FOXA2: variants seen among roughly 807,000 people sequenced by gnomAD.
The protein encoded by FOXA2 is forkhead box A2, also known as hepatocyte nuclear factor 3-beta.
FOXA2 carries 9 observed loss-of-function variants against 33.3 expected under a neutral mutation model. The ratio of observed to expected loss-of-function variants is 0.27; its 90% CI spans 0.16 to 0.47. The LOEUF is 0.47. Ranked by LOEUF, FOXA2 falls within the 20% of genes least tolerant of loss-of-function variation. The pLI, the probability that FOXA2 is intolerant of heterozygous loss-of-function variation, is 0.99. For missense variants in FOXA2, 704 were observed against 659.9 expected (o/e 1.07, Z -0.73); for synonymous variants, 329 against 289.4 (o/e 1.14, Z -1.39).
At position 22,582,413 on chromosome 20, in the gene FOXA2, C is replaced by T. The variant is rs756389581; in HGVS notation, c.829G>A (p.Gly277Ser). 2.5e-6 allele frequency: 4 copies of T among 1,571,370 alleles called. No individual in the cohort carries two copies. Among genetic ancestry groups the T allele is most frequent in the African/African-American group, 1.4e-5 (1 of 72,904 alleles). The part of the protein sequence containing the change: ...LALKEAAGAA[G>S]SGKKAAAGAQ... Reference sequence around the variant, plus strand: ...CCGGCGGCCGCCTTCTTGCCGCTGCCGGCGGCGCCTGCGGCCTCCTTCAGC... The same window carrying T: ...CCGGCGGCCGCCTTCTTGCCGCTGCTGGCGGCGCCTGCGGCCTCCTTCAGC... Residue 277 changes from glycine (G) to serine (S), a missense_variant, in exon 2 of 2, where the codon GGC becomes AGC. Physicochemically the swap from Gly to Ser is moderately conservative, Grantham distance 56 (BLOSUM62 0). Coordinates refer to ENST00000419308, the MANE Select transcript of FOXA2 (RefSeq NM_021784.5).
At position 22,582,171 on chromosome 20, in the gene FOXA2, G is replaced by A; in HGVS notation, c.1071C>T (p.Gly357=). The stretch of plus-strand genomic sequence containing the variant: ...GCGGCAGGCCCGGGTGGTGGGGCGG[G>A]CCCAGCAGGTGGGCCGCGGCCTGCT... ...QQQQAAAHLL[G]PPHHPGLPPE... is the part of the protein sequence containing the mutation. The change falls in exon 2 of 2, where the codon GGC becomes GGT. Residue 357 remains glycine, a synonymous_variant. Transcript: ENST00000419308. 1.3e-6 allele frequency: 2 copies of A among 1,557,894 alleles called. No homozygotes were observed. Among genetic ancestry groups the A allele is most frequent in the Non-Finnish European group, 1.7e-6 (2 of 1,150,352 alleles).
rs1294444786 is a variant in FOXA2 at position 22,582,198 on chromosome 20, C to T, written c.1044G>A (p.Gln348=). The T allele has an allele frequency of 1.3e-6, 2 of 1,549,590 alleles. No individual in the cohort carries two copies. The highest frequency in any genetic ancestry group is 1.7e-6 in the Non-Finnish European group (2 of 1,145,870). The change falls in exon 2 of 2, where the codon CAG becomes CAA. Residue 348 remains glutamine, a synonymous_variant. Transcript: ENST00000419308. ...CCAGCAGGTGGGCCGCGGCCTGCTGCTGCTGCCCGGGAGAGGGCGCCGGCT... is the reference window on the plus strand; with the variant it reads ...CCAGCAGGTGGGCCGCGGCCTGCTGTTGCTGCCCGGGAGAGGGCGCCGGCT... The part of the protein sequence containing the change: ...PPEPAPSPGQ[Q]QQAAAHLLGP...
Position 22,584,339 on chromosome 20 carries a change from CT to C in FOXA2, c.-62del. 6.8e-7 allele frequency: 1 copy of C among 1,465,880 alleles called. No homozygotes were observed. The highest frequency in any genetic ancestry group is 9.5e-7 in the Non-Finnish European group (1 of 1,058,062). The allele number at this position is 1,465,880 out of a possible 1,614,324, so 90.8% of individuals were successfully genotyped here. A position where few individuals can be genotyped will look rare whatever the true frequency, so the allele number is the denominator to read the frequency against. On this transcript the variant is annotated 5_prime_UTR_variant, in exon 1 of 2. Transcript: ENST00000419308. ...AGCAATCACCCCCCACCCCCACCCT[CT>C]TTTAAAAAAAAGTCAGCCAAAGCAC... is the stretch of plus-strand genomic sequence containing the variant.
chr20:22,585,008 C>A (rs1476268568), upstream of FOXA2, among the ~76,000 whole-genome samples: 1 of 150,784 alleles, frequency 6.6e-6, no homozygotes, highest in Non-Finnish European at 1.5e-5. Context: ...GGGTCCACAG[C>A]GAGTCCCCTG....
chr20:22,584,350 A>G lies in FOXA2; in HGVS notation c.-72T>C. ...CCCACCCCCACCCTCTTTTAAAAAA[A>G]AGTCAGCCAAAGCACCGTCCCCTCC... On this transcript the variant is annotated 5_prime_UTR_variant, in exon 1 of 2. Transcript: ENST00000419308. 7.6e-7 allele frequency: 1 copy of G among 1,311,736 alleles called. No homozygotes were observed. The highest frequency in any genetic ancestry group is 1.1e-6 in the Non-Finnish European group (1 of 923,910). 81.3% of individuals were successfully genotyped at this position (1,311,736 alleles called of 1,614,324 possible). A position where few individuals can be genotyped will look rare whatever the true frequency, so the allele number is the denominator to read the frequency against.
At position 22,583,017 on chromosome 20, in the gene FOXA2, C is replaced by G. The variant is rs766824188; in HGVS notation, c.225G>C (p.Val75=). 1.2e-6 allele frequency: 2 copies of G among 1,609,280 alleles called. No individual in the cohort carries two copies. The highest frequency in any genetic ancestry group is 2.2e-5 in the South Asian group (2 of 91,062). The part of the protein sequence containing the change: ...SAGSMNMSSY[V]GAGMSPSLAG... ...CCAGGGACGGGCTCATGCCAGCGCC[C>G]ACGTACGACGACATGTTCATGGAGC... Residue 75 remains valine (V), a synonymous_variant, in exon 2 of 2, where the codon GTG becomes GTC. Transcript: ENST00000419308.
chr20:22,583,076 C>A lies in FOXA2; in HGVS notation c.166G>T (p.Ala56Ser), dbSNP rs546892140. The A allele has an allele frequency of 1.2e-6, 2 of 1,609,188 alleles. No homozygotes were observed. The highest frequency in any genetic ancestry group is 2.7e-5 in the African/African-American group (2 of 75,054). The change falls in exon 2 of 2, where the codon GCC becomes TCC. Residue 56 changes from alanine to serine, a missense_variant. Physicochemically the swap from Ala to Ser is moderately conservative, Grantham distance 99. Coordinates refer to ENST00000419308, the MANE Select transcript of FOXA2 (RefSeq NM_021784.5). ...MNTYMSMSAA[A>S]MGSGSGNMSA... ...ATGTTGCCCGAGCCGCTGCCCATGG[C>A]GGCCGCCGACATGCTCATGTACGTG... is the stretch of plus-strand genomic sequence containing the variant.
Position 22,584,257 on chromosome 20 carries a change from G to A in FOXA2, c.22C>T (p.Leu8=). MHSASSM[L]GAVKMEGHEP... ...TGCCCTTCCATCTTCACCGCTCCCAGCATACTGGAAGCCGAGTGCATGGCA... is the reference window on the plus strand; with the variant it reads ...TGCCCTTCCATCTTCACCGCTCCCAACATACTGGAAGCCGAGTGCATGGCA... The change falls in exon 1 of 2, where the codon CTG becomes TTG. Residue 8 remains leucine (L), a synonymous_variant. Transcript: ENST00000419308. 1 of 1,613,894 alleles carries A rather than the reference G, an allele frequency of 6.2e-7. No homozygotes were observed. Among genetic ancestry groups the A allele is most frequent in the Non-Finnish European group, 8.5e-7 (1 of 1,179,942 alleles).
Position 22,583,046 on chromosome 20 carries a change from C to A in FOXA2, c.196G>T (p.Ala66Ser). The change falls in exon 2 of 2, where the codon GCG becomes TCG. Residue 66 changes from alanine to serine, a missense_variant. Transcript: ENST00000419308. ...TACGACGACATGTTCATGGAGCCCG[C>A]GCTCATGTTGCCCGAGCCGCTGCCC... ...AMGSGSGNMS[A>S]GSMNMSSYVG... 1 of 1,610,088 alleles carries A rather than the reference C, an allele frequency of 6.2e-7. No homozygotes were observed.
rs1278198662 is a variant in FOXA2 at position 22,581,314 on chromosome 20, C to G, written c.*536G>C. On this transcript the variant is annotated 3_prime_UTR_variant, in exon 2 of 2. Coordinates refer to ENST00000419308, the MANE Select transcript of FOXA2 (RefSeq NM_021784.5). ...ATCGGACCCGAGACCTGGATTTCAC[C>G]GTGTCAAGATTGGGAATGCTTTTTT... The G allele has an allele frequency of 6.6e-6, 1 of 151,472 alleles. No individual in the cohort carries two copies. Among genetic ancestry groups the G allele is most frequent in the African/African-American group, 2.5e-5 (1 of 40,342 alleles). 9.4% of individuals were successfully genotyped at this position (151,472 alleles called of 1,614,324 possible). A position where few individuals can be genotyped will look rare whatever the true frequency, so the allele number is the denominator to read the frequency against.
chr20:22,584,283 G>C lies in FOXA2; in HGVS notation c.-5C>G. Reference sequence around the variant, plus strand: ...CATACTGGAAGCCGAGTGCATGGCAGTTTAAAATTTAACAGCCACAACAAA... The same window carrying C: ...CATACTGGAAGCCGAGTGCATGGCACTTTAAAATTTAACAGCCACAACAAA... On this transcript the variant is annotated 5_prime_UTR_variant, in exon 1 of 2. Coordinates refer to ENST00000419308, the MANE Select transcript of FOXA2 (RefSeq NM_021784.5). The C allele has an allele frequency of 6.2e-7, 1 of 1,609,348 alleles. No homozygotes were observed. The highest frequency in any genetic ancestry group is 8.5e-7 in the Non-Finnish European group (1 of 1,177,738).
At chr20:22,584,787 G>C (rs1159692994), upstream of FOXA2, among the ~76,000 whole-genome samples, 5 of 151,970 alleles carry the variant, frequency 3.3e-5, 1 homozygote, top group Admixed American at 3.3e-4. Context: ...GCGCTGGCGC[G>C]GGCCTCCAAT....
Position 22,582,997 on chromosome 20 carries a change from G to T in FOXA2, c.245C>A (p.Ser82Tyr). The change falls in exon 2 of 2, where the codon TCC (serine) becomes TAC (tyrosine). Residue 82 changes from serine (S) to tyrosine (Y), a missense_variant. Ser to Tyr is a moderately radical substitution (Grantham distance 144). Coordinates refer to ENST00000419308, the MANE Select transcript of FOXA2 (RefSeq NM_021784.5). The part of the protein sequence containing the change: ...SSYVGAGMSP[S>Y]LAGMSPGAGA... ...CGCGCCGGGGGACATCCCCGCCAGG[G>T]ACGGGCTCATGCCAGCGCCCACGTA... 6.2e-7 allele frequency: 1 copy of T among 1,607,306 alleles called. No homozygotes were observed. The highest frequency in any genetic ancestry group is 8.5e-7 in the Non-Finnish European group (1 of 1,178,748).
In FOXA2 at chr20:22,581,987, C is replaced by T. The variant is rs1181300067; in HGVS notation, c.1255G>A (p.Gly419Ser). 4.3e-6 allele frequency: 7 copies of T among 1,613,818 alleles called. No homozygotes were observed. The highest frequency in any genetic ancestry group is 3.3e-5 in the South Asian group (3 of 91,084). ...KAYEQVMHYP[G>S]YGSPMPGSLA... is the part of the protein sequence containing the mutation. ...CTGCCAGGCATGGGGGAACCGTAGCCGGGGTAGTGCATCACCTGTTCGTAG... is the reference window on the plus strand; with the variant it reads ...CTGCCAGGCATGGGGGAACCGTAGCTGGGGTAGTGCATCACCTGTTCGTAG... The change falls in exon 2 of 2, where the codon GGC becomes AGC. Residue 419 changes from glycine to serine, a missense_variant. Around this residue, in one of 5 missense-constraint regions of FOXA2, gnomAD observed 343 missense variants for 274.8 expected, o/e 1.25. Coordinates refer to ENST00000419308, the MANE Select transcript of FOXA2 (RefSeq NM_021784.5).
Position 22,582,566 on chromosome 20 carries a change from C to G in FOXA2, c.676G>C (p.Val226Leu). The change falls in exon 2 of 2, where the codon GTG becomes CTG. Residue 226 changes from valine to leucine, a missense_variant. Transcript: ENST00000419308. ...SLSFNDCFLK[V>L]PRSPDKPGKG... ...CCGGGCTTGTCGGGCGAGCGGGGCACCTTCAGGAAACAGTCGTTGAAGGAG... is the reference window on the plus strand; with the variant it reads ...CCGGGCTTGTCGGGCGAGCGGGGCAGCTTCAGGAAACAGTCGTTGAAGGAG... 6.2e-7 allele frequency: 1 copy of G among 1,614,126 alleles called. No homozygotes were observed. The highest frequency in any genetic ancestry group is 8.5e-7 in the Non-Finnish European group (1 of 1,180,038).
Position 22,582,889 on chromosome 20 carries a change from G to C in FOXA2, c.353C>G (p.Pro118Arg). 1.9e-6 allele frequency: 3 copies of C among 1,572,664 alleles called. No individual in the cohort carries two copies. Among genetic ancestry groups the C allele is most frequent in the Non-Finnish European group, 2.6e-6 (3 of 1,163,606 alleles). Reference protein sequence around the residue: ...MGPHLSPSLSPLGGQAAGAMG... With the variant: ...MGPHLSPSLSRLGGQAAGAMG... ...GGCCCCGGCCGCCTGCCCCCCGAGC[G>C]GGCTCAGGCTGGGACTCAAGTGCGG... Residue 118 changes from proline (P) to arginine (R), a missense_variant, in exon 2 of 2, where the codon CCG becomes CGG. Pro to Arg is a moderately radical substitution (Grantham distance 103, BLOSUM62 -2). This residue lies in a region of FOXA2 where 304 missense variants were observed against 251.7 expected (regional missense o/e 1.21). Transcript: ENST00000419308.
rs777253855 is a variant in FOXA2, at chr20:22,582,429, C to G, written c.813G>C (p.Glu271Asp). 6 of 1,593,344 alleles carry G rather than the reference C, an allele frequency of 3.8e-6. No individual in the cohort carries two copies. The highest frequency in any genetic ancestry group is 5.1e-6 in the Non-Finnish European group (6 of 1,171,652). Residue 271 changes from glutamate to aspartate, a missense_variant, in exon 2 of 2, where the codon GAG becomes GAC. Coordinates refer to ENST00000419308, the MANE Select transcript of FOXA2 (RefSeq NM_021784.5). Reference protein sequence around the residue: ...FKCEKQLALKEAAGAAGSGKK... With the variant: ...FKCEKQLALKDAAGAAGSGKK... Reference sequence around the variant, plus strand: ...TGCCGCTGCCGGCGGCGCCTGCGGCCTCCTTCAGCGCCAGCTGCTTCTCGC... The same window carrying G: ...TGCCGCTGCCGGCGGCGCCTGCGGCGTCCTTCAGCGCCAGCTGCTTCTCGC...
Position 22,582,106 on chromosome 20 carries a change from T to C in FOXA2, c.1136A>G (p.Asn379Ser). 2.5e-6 allele frequency: 4 copies of C among 1,608,730 alleles called. No homozygotes were observed. Among genetic ancestry groups the C allele is most frequent in the Non-Finnish European group, 3.4e-6 (4 of 1,177,148 alleles). The change falls in exon 2 of 2, where the codon AAC becomes AGC. Residue 379 changes from asparagine (N) to serine (S), a missense_variant. Asn to Ser is a conservative substitution (Grantham distance 46). Around this residue, in one of 5 missense-constraint regions of FOXA2, gnomAD observed 343 missense variants for 274.8 expected, o/e 1.25. Coordinates refer to ENST00000419308, the MANE Select transcript of FOXA2 (RefSeq NM_021784.5). ...HLKPEHHYAF[N>S]HPFSINNLMS... ...GAGGTTGTTGATGGAGAACGGGTGG[T>C]TGAAGGCGTAGTGGTGTTCCGGCTT... is the stretch of plus-strand genomic sequence containing the variant.
intron 1 of FOXA2, among the ~76,000 whole-genome samples, chr20:22,583,584 C>A (rs1178941940): frequency 6.6e-6 from 1 of 152,244 alleles, no homozygotes; most frequent in Non-Finnish European, 1.5e-5. Flanking sequence ...GCGCGGGGCG[C>A]CTCGGGCTGC....
Sources: gnomAD v4.1 joint callset for allele counts (sites outside exome capture counted in the v4.1 genomes callset) on GRCh38, gnomAD v4.1.1 for gene constraint, gnomAD v4.1.1 regional missense constraint, MANE v1.5 for transcripts, NCBI Gene and HGNC (gene_info 2026-07-23, HGNC 2026-07-21) for gene names.